Variants in PROM1 observed in about 807,000 individuals in gnomAD.
PROM1 encodes prominin 1.
PROM1 carries 105 observed loss-of-function variants against 116.9 expected under a neutral mutation model. The observed-to-expected ratio is 0.90, with a 90% CI of 0.77 to 1.06. The LOEUF is 1.06. Ranked by LOEUF, PROM1 falls within the 50% of genes least tolerant of loss-of-function variation. The pLI is 0.00. For missense variants in PROM1, 1,122 were observed against 1,045.2 expected, an observed-to-expected ratio of 1.07 and a Z score of -1.01; for synonymous variants, 393 against 387.0, an observed-to-expected ratio of 1.02 and a Z score of -0.18.
intron 2 of PROM1, among the ~76,000 whole-genome samples, chr4:16,049,023 G>A (rs774710939): frequency 9.2e-5 from 14 of 152,204 alleles, no homozygotes; most frequent in East Asian, 3.9e-4. Flanking sequence ...ATGATGGGGC[G>A]GCTGGGCTGG....
chr4:15,975,448 T>C (rs183867734), intron 26 of PROM1, among the ~76,000 whole-genome samples: 2 of 152,290 alleles, frequency 1.3e-5, no homozygotes, highest in Admixed American at 6.5e-5. Context: ...CTCAAACTCC[T>C]GACCTTGTGA....
At chr4:15,971,912 C>A (rs995034817) in intron 26 of PROM1, 1 of 152,148 alleles carries the variant, frequency 6.6e-6, no homozygotes, top group Non-Finnish European at 1.5e-5. Flanking sequence ...TTTATGCTTT[C>A]GGTAAAGAAA....
At chr4:16,016,290 A>C (rs1197404607) in intron 9 of PROM1, 50 bp from the exon 10 acceptor site, 3 of 1,394,470 alleles carry the variant, frequency 2.2e-6, no homozygotes, top group Non-Finnish European at 3.0e-6. Context: ...CCTTCAAAAC[A>C]ATTCCTCATG....
chr4:16,023,466 C>A, intron 7 of PROM1, 51 bp from the exon 8 acceptor site: 1 of 1,374,492 alleles, frequency 7.3e-7, no homozygotes, highest in Non-Finnish European at 1.0e-6. Flanking sequence ...GCTCATCTCT[C>A]CACCCCTCCC....
At chr4:16,027,159 C>T (rs750802584) in intron 5 of PROM1, among the ~76,000 whole-genome samples, 12 of 151,968 alleles carry the variant, frequency 7.9e-5, no homozygotes, top group South Asian at 2.1e-4. Flanking sequence ...TTGGAATGAC[C>T]GCCTTATAAT....
chr4:16,030,526 C>A (rs547420433), intron 5 of PROM1, among the ~76,000 whole-genome samples: 1 of 152,130 alleles, frequency 6.6e-6, no homozygotes, highest in Non-Finnish European at 1.5e-5. Context: ...TTAGAAAAAA[C>A]ATATATTGAT....
intron 10 of PROM1, among the ~76,000 whole-genome samples, chr4:16,015,409 GCTGGGTGTGGTGGCTCATGC>G (rs1471160984): frequency 6.7e-6 from 1 of 148,642 alleles, no homozygotes; most frequent in Non-Finnish European, 1.5e-5. Flanking sequence ...CTAAGTAGCG[GCTGGGTGTGGTGGCTCATGC>G]CTGTAATCCC....
intron 17 of PROM1, among the ~76,000 whole-genome samples, chr4:15,991,718 G>A (rs1275778867): frequency 2.6e-5 from 4 of 151,342 alleles, no homozygotes; most frequent in Admixed American, 2.6e-4. Flanking sequence ...GCAGATCACA[G>A]GGTCAAGGGA....
At chr4:16,065,912 T>TG in intron 2 of PROM1, among the ~76,000 whole-genome samples, 1 of 152,356 alleles carries the variant, frequency 6.6e-6, no homozygotes, top group African/African-American at 2.4e-5. Context: ...GAGATCATCC[T>TG]GGACTTGGGG....
chr4:16,010,595 C>T (rs1726665838), intron 11 of PROM1, among the ~76,000 whole-genome samples: 1 of 152,204 alleles, frequency 6.6e-6, no homozygotes, highest in Admixed American at 6.5e-5. Flanking sequence ...GCTCAACCTC[C>T]TGGGCTCAAG....
chr4:16,051,285 T>C (rs1261066086), intron 2 of PROM1, among the ~76,000 whole-genome samples: 2 of 152,122 alleles, frequency 1.3e-5, no homozygotes, highest in Non-Finnish European at 2.9e-5. Context: ...AGACAGGCAA[T>C]TACCATAGCA....
chr4:16,078,143 T>G (rs1359223578), intron 1 of PROM1: 1 of 152,330 alleles, frequency 6.6e-6, no homozygotes, highest in African/African-American at 2.4e-5. Context: ...TAAAAGCAGC[T>G]GTGGCTCCAG....
intron 2 of PROM1, among the ~76,000 whole-genome samples, chr4:16,043,620 G>C (rs545135685): frequency 1.3e-5 from 2 of 152,334 alleles, no homozygotes; most frequent in East Asian, 1.9e-4. Context: ...AGCCCTGGCA[G>C]CATCACGGGA....
chr4:16,056,416 G>A (rs1289058520), intron 2 of PROM1, among the ~76,000 whole-genome samples: 1 of 152,124 alleles, frequency 6.6e-6, no homozygotes. Context: ...GGTACTTGCT[G>A]CGTTGTGGGC....
Position 15,986,584 on chromosome 4 carries a change from C to T in PROM1, c.2131-547G>A, listed in dbSNP as rs981530002. Among the ~76,000 whole-genome samples, 16 of 152,194 alleles carry T rather than the reference C, an allele frequency of 1.1e-4. 1 individual carries two copies. The highest frequency in any genetic ancestry group is 2.9e-5 in the Non-Finnish European group (2 of 68,042). On this transcript the variant is annotated intron_variant, in intron 20 of 27. Coordinates refer to ENST00000447510, the MANE Select transcript of PROM1 (RefSeq NM_006017.3). ...GTCAATGGCCAGTTTCTGCCCTCGA[C>T]TAACCCCCTTGGCTGGGCCCCTCAT... is the stretch of plus-strand genomic sequence containing the variant.
chr4:15,973,982 T>C (rs1219672828), intron 26 of PROM1, among the ~76,000 whole-genome samples: 13 of 152,088 alleles, frequency 8.5e-5, no homozygotes, highest in Admixed American at 8.5e-4. Flanking sequence ...CCAACACTGG[T>C]GTTTGTTTGC....
At position 15,987,694 on chromosome 4, in the gene PROM1, T is replaced by C. The variant is rs1433125980; in HGVS notation, c.2099A>G (p.Lys700Arg). The change falls in exon 20 of 28, where the codon AAG becomes AGG. Residue 700 changes from lysine (K) to arginine (R), a missense_variant. Transcript: ENST00000447510. ...TCCATTCCCTGTGCGTTGAAGTATC[T>C]TGACGCTTTGGTATAGAGTGCTCTG... ...QSLSTLYQSV[K>R]ILQRTGNGLL... 1.9e-6 allele frequency: 3 copies of C among 1,611,602 alleles called. No individual in the cohort carries two copies. The highest frequency in any genetic ancestry group is 2.2e-5 in the East Asian group (1 of 44,856).
chr4:15,985,513 GA>G (rs35960247), intron 22 of PROM1: 13 of 467,084 alleles, frequency 2.8e-5, no homozygotes, highest in Non-Finnish European at 4.1e-5. Context: ...TTTGTTACCT[GA>G]AAAAGGGGGT....
intron 19 of PROM1, among the ~76,000 whole-genome samples, chr4:15,989,087 T>C (rs1490012389): frequency 6.6e-6 from 1 of 152,170 alleles, no homozygotes; most frequent in Non-Finnish European, 1.5e-5. Flanking sequence ...GGTCCTTCAT[T>C]TCCATGAACA....
Sources: gnomAD v4.1 joint callset for allele counts (sites outside exome capture counted in the v4.1 genomes callset) on GRCh38, gnomAD v4.1.1 for gene constraint, MANE v1.5 for transcripts, NCBI Gene and HGNC (gene_info 2026-07-23, HGNC 2026-07-21) for gene names.